The following PDE1A variants were observed in gnomAD, a reference collection of about 807,000 sequenced individuals.
PDE1A encodes the protein phosphodiesterase 1A, also known as dual specificity calcium/calmodulin-dependent 3',5'-cyclic nucleotide phosphodiesterase 1A.
A neutral mutation model predicts 61.7 loss-of-function variants in PDE1A; 35 were observed. The ratio of observed to expected loss-of-function variants is 0.57; its 90% CI spans 0.43 to 0.75. PDE1A has a LOEUF of 0.75. PDE1A is among the 30% of genes least tolerant of loss of function. The pLI, the probability that PDE1A is intolerant of heterozygous loss-of-function variation, is 0.00. For synonymous variants in PDE1A, 232 were observed against 213.2 expected (o/e 1.09, Z -0.77); for missense variants, 597 against 630.6 (o/e 0.95, Z 0.57).
chr2:182,140,651 T>A (rs1690188007), exon 15 of PDE1A: 1 of 152,172 alleles, frequency 6.6e-6, no homozygotes, highest in South Asian at 2.1e-4. Context: ...GTTGGGGAGC[T>A]GAGGTTAAAA....
the PDE1A span, among the ~76,000 whole-genome samples, chr2:182,574,921 A>G: frequency 6.6e-6 from 1 of 152,020 alleles, no homozygotes; most frequent in Non-Finnish European, 1.5e-5. Context: ...TGAACTCCTG[A>G]CCTCATGATC....
chr2:182,535,849 C>T, the PDE1A span, among the ~76,000 whole-genome samples: 664 of 152,220 alleles, frequency 4.4e-3, 2 homozygotes, highest in African/African-American at 0.015. Flanking sequence ...CTGTGCATTA[C>T]GGAAAATGGG....
chr2:182,400,627 A>G (rs571162051), intron 1 of PDE1A, among the ~76,000 whole-genome samples: 22 of 152,280 alleles, frequency 1.4e-4, no homozygotes, highest in Admixed American at 7.8e-4. Flanking sequence ...GGGATCAAGC[A>G]TAACTGCATT....
chr2:182,499,184 T>TTTGTTG (rs756887332), intron 2 of PDE1A, among the ~76,000 whole-genome samples: 2 of 136,076 alleles, frequency 1.5e-5, no homozygotes, highest in Admixed American at 1.4e-4. Flanking sequence ...TTTTTTTTTT[T>TTTGTTG]TTTTTTTTTT....
chr2:182,438,513 A>G (rs1684586618), intron 2 of PDE1A, among the ~76,000 whole-genome samples: 1 of 152,024 alleles, frequency 6.6e-6, no homozygotes, highest in Non-Finnish European at 1.5e-5. Context: ...GAGGGGAGAG[A>G]AAGGAAGACT....
rs191977378 is a variant in PDE1A at position 182,432,295 on chromosome 2, C to T, written c.101+89981G>A. Among the ~76,000 whole-genome samples the T allele has an allele frequency of 3.5e-3, 533 of 152,222 alleles. 1 individual carries two copies. The highest frequency in any genetic ancestry group is 0.014 in the Middle Eastern group (4 of 294). On this transcript the variant is annotated intron_variant, in intron 2 of 14. Transcript: ENST00000410103. ...AAACTCTGTAGTCATTTTTAACTCT[C>T]CTTAACCACAACAAGGTCATGCATA...
the PDE1A span, among the ~76,000 whole-genome samples, chr2:182,699,478 T>C: frequency 6.6e-6 from 1 of 152,248 alleles, no homozygotes; most frequent in Admixed American, 6.5e-5. Flanking sequence ...AACTTTAGCA[T>C]GCATAAACAG....
At chr2:182,626,157 T>A in the PDE1A span, among the ~76,000 whole-genome samples, 1 of 152,220 alleles carries the variant, frequency 6.6e-6, no homozygotes, top group African/African-American at 2.4e-5. Flanking sequence ...GACACTTGTC[T>A]GATTTGCTCC....
In PDE1A at chr2:182,223,808, C is replaced by T; in HGVS notation, c.776+56G>A. On this transcript the variant is annotated intron_variant, in intron 7 of 13. Coordinates refer to ENST00000351439, the Ensembl canonical transcript of PDE1A. ...TTTAAAAATCCTCTTAAGTGATATG[C>T]AGAAAAATAAATTTCAAATTTTAAC... The T allele has an allele frequency of 5.1e-6, 5 of 979,616 alleles. No individual in the cohort carries two copies. The South Asian group carries it at 6.3e-5, about 12-fold the overall frequency. The allele number at this position is 979,616 out of a possible 1,614,324, so 60.7% of individuals were successfully genotyped here.
chr2:182,586,281 G>A, the PDE1A span, among the ~76,000 whole-genome samples: 1 of 152,266 alleles, frequency 6.6e-6, no homozygotes, highest in South Asian at 2.1e-4. Context: ...GAAGGGATAA[G>A]AAAAGGACAA....
chr2:182,604,476 A>G, the PDE1A span, among the ~76,000 whole-genome samples: 26 of 152,338 alleles, frequency 1.7e-4, no homozygotes, highest in Middle Eastern at 3.4e-3. Flanking sequence ...AATGGAAAAA[A>G]GTACTTCCCA....
At chr2:182,366,365 G>T (rs193042669) in intron 1 of PDE1A, among the ~76,000 whole-genome samples, 2 of 151,928 alleles carry the variant, frequency 1.3e-5, no homozygotes, top group East Asian at 1.9e-4. Context: ...TACCTTTATG[G>T]GTGAGGTGAC....
At chr2:182,502,784 A>T (rs1377419114) in intron 2 of PDE1A, among the ~76,000 whole-genome samples, 1 of 152,120 alleles carries the variant, frequency 6.6e-6, no homozygotes, top group East Asian at 1.9e-4. Flanking sequence ...GCAAAACCTG[A>T]CCTGAACTGA....
chr2:182,521,030 T>G (rs536533938), intron 2 of PDE1A, among the ~76,000 whole-genome samples: 1 of 152,180 alleles, frequency 6.6e-6, no homozygotes, highest in East Asian at 1.9e-4. Flanking sequence ...TTGAAAGTTA[T>G]TCTCTGCTAT....
intron 1 of PDE1A, among the ~76,000 whole-genome samples, chr2:182,376,945 T>A (rs1423600588): frequency 1.3e-5 from 2 of 152,098 alleles, no homozygotes; most frequent in Non-Finnish European, 2.9e-5. Context: ...GCCATGAGAA[T>A]AGTATAGGGG....
At chr2:182,499,727 G>C (rs1688974999) in intron 2 of PDE1A, among the ~76,000 whole-genome samples, 1 of 152,140 alleles carries the variant, frequency 6.6e-6, no homozygotes, top group Non-Finnish European at 1.5e-5. Flanking sequence ...CAACTAACCT[G>C]TATCAAAATA....
intron 2 of PDE1A, among the ~76,000 whole-genome samples, chr2:182,453,099 C>G (rs1335155885): frequency 6.6e-6 from 1 of 152,030 alleles, no homozygotes; most frequent in South Asian, 2.1e-4. Flanking sequence ...TTTCATGTGA[C>G]CAGAAGTGAC....
intron 1 of PDE1A, among the ~76,000 whole-genome samples, chr2:182,417,534 T>C (rs997273170): frequency 1.4e-4 from 21 of 152,226 alleles, no homozygotes; most frequent in Non-Finnish European, 2.6e-4. Context: ...CTCTGTTCTA[T>C]ATCCTAAAAA....
chr2:182,606,411 C>T, the PDE1A span, among the ~76,000 whole-genome samples: 1 of 152,234 alleles, frequency 6.6e-6, no homozygotes, highest in Non-Finnish European at 1.5e-5. Flanking sequence ...AACTCCTGAC[C>T]TTGTAATCCA....
Sources: gnomAD v4.1 joint callset for allele counts (sites outside exome capture counted in the v4.1 genomes callset) on GRCh38, gnomAD v4.1.1 for gene constraint, MANE v1.5 for transcripts, NCBI Gene and HGNC (gene_info 2026-07-23, HGNC 2026-07-21) for gene names.